SYNDIG1L: variants seen among roughly 807,000 people sequenced by gnomAD.
SYNDIG1L encodes synapse differentiation inducing 1 like.
A neutral mutation model predicts 20.1 loss-of-function variants in SYNDIG1L; 13 were observed. The ratio of observed to expected loss-of-function variants is 0.65; its 90% CI spans 0.42 to 1.03. The LOEUF is 1.03. Ranked by LOEUF, SYNDIG1L falls within the 50% of genes least tolerant of loss-of-function variation. The pLI, the probability that SYNDIG1L is intolerant of heterozygous loss-of-function variation, is 0.00. For missense variants in SYNDIG1L, 294 were observed against 305.1 expected (o/e 0.96, Z 0.27); for synonymous variants, 128 against 129.3 (o/e 0.99, Z 0.07).
chr14:74,452,744 A>T, the SYNDIG1L span, among the ~76,000 whole-genome samples: 1 of 152,342 alleles, frequency 6.6e-6, no homozygotes, highest in East Asian at 1.9e-4. Context: ...GTATTTACCC[A>T]TGGGAAAAGA....
the SYNDIG1L span, among the ~76,000 whole-genome samples, chr14:74,446,610 G>A: frequency 7.0e-6 from 1 of 143,184 alleles, no homozygotes; most frequent in African/African-American, 2.5e-5. Context: ...CCAGTTATGT[G>A]CTGGCTTTTT....
the SYNDIG1L span, among the ~76,000 whole-genome samples, chr14:74,451,851 G>A: frequency 6.6e-5 from 10 of 151,926 alleles, no homozygotes; most frequent in Non-Finnish European, 1.3e-4. Context: ...TTAGCTGGGT[G>A]TGGTGGCACG....
chr14:74,460,315 G>C, the SYNDIG1L span, among the ~76,000 whole-genome samples: 2 of 152,010 alleles, frequency 1.3e-5, no homozygotes, highest in African/African-American at 2.4e-5. Context: ...CCTATTAACA[G>C]CTGCAAACTT....
chr14:74,428,703 G>A (rs977322980), upstream of SYNDIG1L, among the ~76,000 whole-genome samples: 1 of 152,214 alleles, frequency 6.6e-6, no homozygotes, highest in African/African-American at 2.4e-5. Context: ...ATGGGAGGAG[G>A]GGATTGTTGG....
intron 2 of SYNDIG1L, 101 bp from the exon 3 acceptor site, chr14:74,408,090 T>C: frequency 2.1e-6 from 3 of 1,397,396 alleles, no homozygotes; most frequent in Non-Finnish European, 2.9e-6. Context: ...GCCAGTGACA[T>C]GGAGCAACAA....
chr14:74,426,037 C>G lies in SYNDIG1L; in HGVS notation c.-183G>C, dbSNP rs1315884204. 4 of 152,410 alleles carry G rather than the reference C, an allele frequency of 2.6e-5. No individual in the cohort carries two copies. Among genetic ancestry groups the G allele is most frequent in the Non-Finnish European group, 5.9e-5 (4 of 67,820 alleles). 9.4% of individuals were successfully genotyped at this position (152,410 alleles called of 1,614,324 possible). ...CCAGGAGGGCTCCCCTGCTCTCGTCCCCGCGTCCCTGAGCAGCCGCCGCTT... is the reference window on the plus strand; with the variant it reads ...CCAGGAGGGCTCCCCTGCTCTCGTCGCCGCGTCCCTGAGCAGCCGCCGCTT... On this transcript the variant is annotated 5_prime_UTR_variant, in exon 1 of 4. Transcript: ENST00000331628.
At chr14:74,418,758 G>A (rs1367496553) in intron 1 of SYNDIG1L, among the ~76,000 whole-genome samples, 1 of 152,170 alleles carries the variant, frequency 6.6e-6, no homozygotes, top group Non-Finnish European at 1.5e-5. Flanking sequence ...AAGGCCATGT[G>A]TGTATAGATG....
At chr14:74,434,386 G>A in the SYNDIG1L span, among the ~76,000 whole-genome samples, 3 of 152,076 alleles carry the variant, frequency 2.0e-5, no homozygotes, top group Non-Finnish European at 4.4e-5. Flanking sequence ...TGCCTCGGTG[G>A]GAGAATAATA....
chr14:74,446,519 G>A, the SYNDIG1L span, among the ~76,000 whole-genome samples: 7 of 151,674 alleles, frequency 4.6e-5, no homozygotes, highest in Admixed American at 2.0e-4. Flanking sequence ...TAATCCACAC[G>A]TTGTTTATTG....
Position 74,419,057 on chromosome 14 carries a change from C to T in SYNDIG1L, c.-58+6855G>A, listed in dbSNP as rs547864440. ...CATTCCCCAGTGCCATTCCCCCTTT[C>T]GGCTCATGTCCCCTCTCTCCTTCAC... is the stretch of plus-strand genomic sequence containing the variant. On this transcript the variant is annotated intron_variant, in intron 1 of 3. Coordinates refer to ENST00000331628, the MANE Select transcript of SYNDIG1L (RefSeq NM_001105579.2). Among the ~76,000 whole-genome samples, 29 of 152,282 alleles carry T rather than the reference C, an allele frequency of 1.9e-4. No individual in the cohort carries two copies. The South Asian group carries it at 5.6e-3, about 29-fold the overall frequency.
At chr14:74,448,370 G>T in the SYNDIG1L span, among the ~76,000 whole-genome samples, 1 of 152,070 alleles carries the variant, frequency 6.6e-6, no homozygotes, top group Admixed American at 6.6e-5. Context: ...CTATCAAGCA[G>T]ATTTCAGAGC....
intron 1 of SYNDIG1L, among the ~76,000 whole-genome samples, chr14:74,421,431 G>A (rs2086220677): frequency 6.6e-6 from 1 of 152,192 alleles, no homozygotes; most frequent in Non-Finnish European, 1.5e-5. Context: ...CAATCTAATA[G>A]GAGTTTCAGA....
chr14:74,458,089 C>T, the SYNDIG1L span, among the ~76,000 whole-genome samples: 13 of 152,130 alleles, frequency 8.5e-5, no homozygotes, highest in African/African-American at 2.4e-4. Flanking sequence ...AGAGCCACTG[C>T]GCCCAGCTTG....
chr14:74,415,145 G>C (rs1392479766), intron 1 of SYNDIG1L, among the ~76,000 whole-genome samples: 1 of 152,184 alleles, frequency 6.6e-6, no homozygotes, highest in Non-Finnish European at 1.5e-5. Context: ...GACCTCTTTA[G>C]GGCTACATGC....
the SYNDIG1L span, chr14:74,476,257 C>G: frequency 1.5e-5 from 9 of 602,252 alleles, no homozygotes; most frequent in East Asian, 2.2e-4. Context: ...CTGGCCTGCT[C>G]TCTGCTTTTT....
chr14:74,475,430 T>C, the SYNDIG1L span, among the ~76,000 whole-genome samples: 41 of 103,308 alleles, frequency 4.0e-4, no homozygotes, highest in African/African-American at 1.4e-3. Context: ...AGGTGAGATA[T>C]AAACCCAGCT....
intron 1 of SYNDIG1L, among the ~76,000 whole-genome samples, chr14:74,415,619 C>A (rs77654878): frequency 7.9e-5 from 12 of 152,062 alleles, no homozygotes; most frequent in Non-Finnish European, 1.6e-4. Context: ...CAGCTCACTG[C>A]GCCTCGACTT....
At chr14:74,459,890 C>T in the SYNDIG1L span, among the ~76,000 whole-genome samples, 1 of 152,250 alleles carries the variant, frequency 6.6e-6, no homozygotes, top group Non-Finnish European at 1.5e-5. Flanking sequence ...AAATTGCAGC[C>T]AGCCAAATCT....
the SYNDIG1L span, among the ~76,000 whole-genome samples, chr14:74,455,309 C>T: frequency 7.1e-4 from 108 of 152,292 alleles, no homozygotes; most frequent in Admixed American, 2.3e-3. Flanking sequence ...CCCTGGAGTC[C>T]TGCATGCCTC....
Sources: gnomAD v4.1 joint callset for allele counts (sites outside exome capture counted in the v4.1 genomes callset) on GRCh38, gnomAD v4.1.1 for gene constraint, MANE v1.5 for transcripts, NCBI Gene and HGNC (gene_info 2026-07-23, HGNC 2026-07-21) for gene names.